WDR17: variants seen among roughly 807,000 people sequenced by gnomAD.
WDR17 encodes WD repeat domain 17.
WDR17 carries 143 observed loss-of-function variants against 161.7 expected under a neutral mutation model. The ratio of observed to expected loss-of-function variants is 0.88; its 90% CI spans 0.77 to 1.02. The LOEUF (loss-of-function observed/expected upper bound fraction) is 1.02, where lower values mean the gene tolerates loss of function less well. Ranked by LOEUF, WDR17 falls within the 50% of genes least tolerant of loss-of-function variation. WDR17 has a pLI of 0.00. For missense variants in WDR17, 1,469 were observed against 1,520.9 expected, an observed-to-expected ratio of 0.97 and a Z score of 0.57; for synonymous variants, 517 against 515.6, an observed-to-expected ratio of 1.00 and a Z score of -0.04.
intron 9 of WDR17, among the ~76,000 whole-genome samples, chr4:176,139,013 T>C (rs1744842471): frequency 6.6e-6 from 1 of 151,736 alleles, no homozygotes; most frequent in South Asian, 2.1e-4. Context: ...ACTGAATGAA[T>C]AAAAGGACTA....
At chr4:176,093,006 C>T (rs562005635) in intron 1 of WDR17, among the ~76,000 whole-genome samples, 1 of 152,102 alleles carries the variant, frequency 6.6e-6, no homozygotes, top group African/African-American at 2.4e-5. Context: ...TGTGCCACTA[C>T]ACTCCAGCCT....
intron 6 of WDR17, 91 bp downstream of exon 6, chr4:176,128,951 T>A (rs1199742401): frequency 8.2e-7 from 1 of 1,218,178 alleles, no homozygotes. Flanking sequence ...AAATACTATA[T>A]GCCACTGAAA....
At chr4:176,120,290 A>ATATT (rs1741348744) in intron 4 of WDR17, among the ~76,000 whole-genome samples, 193 bp downstream of exon 4, 1 of 10,906 alleles carries the variant, frequency 9.2e-5, no homozygotes, top group South Asian at 7.0e-3. Flanking sequence ...TTGAAGTTTT[A>ATATT]TATATATATA....
chr4:176,168,729 A>G lies in WDR17; in HGVS notation c.3048A>G (p.Lys1016=). 1.9e-6 allele frequency: 3 copies of G among 1,613,334 alleles called. No individual in the cohort carries two copies. Among genetic ancestry groups the G allele is most frequent in the Non-Finnish European group, 2.5e-6 (3 of 1,179,660 alleles). Residue 1016 remains lysine (K), a synonymous_variant, in exon 23 of 29, where the codon AAA becomes AAG. Coordinates refer to ENST00000508596, the MANE Select transcript of WDR17 (RefSeq NM_181265.4). ...CTGATAATGAACTACATTTAATAAAACTCTGTGCTTTCTACCCAGGATGTA... is the reference window on the plus strand; with the variant it reads ...CTGATAATGAACTACATTTAATAAAGCTCTGTGCTTTCTACCCAGGATGTA... The part of the protein sequence containing the change: ...MIPDNELHLI[K]LCAFYPGCTE...
chr4:176,109,168 G>T (rs913444269), intron 1 of WDR17, among the ~76,000 whole-genome samples: 1 of 151,902 alleles, frequency 6.6e-6, no homozygotes, highest in Non-Finnish European at 1.5e-5. Flanking sequence ...TCAATATTTG[G>T]TTAAACAGAA....
intron 8 of WDR17, 56 bp downstream of exon 8, chr4:176,135,332 A>G (rs1440920183): frequency 6.4e-7 from 1 of 1,574,018 alleles, no homozygotes; most frequent in Non-Finnish European, 8.7e-7. Flanking sequence ...TTAAAGTTTT[A>G]TTTTCATTTG....
intron 1 of WDR17, among the ~76,000 whole-genome samples, chr4:176,072,843 A>C (rs1182025272): frequency 6.6e-6 from 1 of 152,188 alleles, no homozygotes; most frequent in Non-Finnish European, 1.5e-5. Context: ...AGAGTATAAA[A>C]GTGAGTTTCA....
At chr4:176,082,427 T>A (rs1734866859) in intron 1 of WDR17, among the ~76,000 whole-genome samples, 1 of 152,104 alleles carries the variant, frequency 6.6e-6, no homozygotes, top group South Asian at 2.1e-4. Flanking sequence ...TAAAATATGA[T>A]TTGAAAATAG....
At chr4:176,165,240 G>A (rs538556074) in intron 22 of WDR17, among the ~76,000 whole-genome samples, 2 of 151,948 alleles carry the variant, frequency 1.3e-5, no homozygotes, top group African/African-American at 4.8e-5. Flanking sequence ...ATGGTGGCAG[G>A]CACCTGTAAT....
rs538022886 is a variant in WDR17 at position 176,102,206 on chromosome 4, G to A, written c.-6-9369G>A. Among the ~76,000 whole-genome samples, 3 of 152,254 alleles carry A rather than the reference G, an allele frequency of 2.0e-5. No homozygotes were observed. In the South Asian group the frequency reaches 6.2e-4, roughly 32 times the overall value. ...TGGTTTTAAAGTGGGCAAAAGAGCT[G>A]AACAGATACCTCACCAAAGAATGTA... is the stretch of plus-strand genomic sequence containing the variant. On this transcript the variant is annotated intron_variant, in intron 1 of 28. Transcript: ENST00000508596.
chr4:176,125,066 C>T, intron 4 of WDR17, 38 bp from the exon 5 acceptor site: 1 of 1,602,264 alleles, frequency 6.2e-7, no homozygotes, highest in East Asian at 2.2e-5. Flanking sequence ...ATCTTTTCTG[C>T]AAGTTTTTTG....
At position 176,137,600 on chromosome 4, in the gene WDR17, C is replaced by T. The variant is rs755045481; in HGVS notation, c.1348C>T (p.Arg450Ter). 1.5e-5 allele frequency: 24 copies of T among 1,588,608 alleles called. No homozygotes were observed. The highest frequency in any genetic ancestry group is 4.6e-5 in the South Asian group (4 of 87,216). Reference sequence around the variant, plus strand: ...TGTTCAAAAGGGCAAAATTATACAACGATTTAATGAGGTAAGATTTATTTA... The same window carrying T: ...TGTTCAAAAGGGCAAAATTATACAATGATTTAATGAGGTAAGATTTATTTA... ...WNVQKGKIIQ[R>*]FNEHGTNGIF... is the part of the protein sequence containing the mutation. The change falls in exon 9 of 29, where the codon CGA (arginine) becomes TGA (stop). Residue 450 changes from arginine to a stop codon, truncating the protein, a stop_gained. Coordinates refer to ENST00000508596, the MANE Select transcript of WDR17 (RefSeq NM_181265.4). LOFTEE classifies it high-confidence loss of function.
chr4:176,159,334 G>GAGAGA (rs1561197718), intron 18 of WDR17, among the ~76,000 whole-genome samples: 1 of 150,188 alleles, frequency 6.7e-6, no homozygotes, highest in Non-Finnish European at 1.5e-5. Context: ...GAGAGAGAGA[G>GAGAGA]AAAGGGAGAG....
intron 17 of WDR17, among the ~76,000 whole-genome samples, chr4:176,153,103 T>A (rs146062301): frequency 7.0e-4 from 107 of 152,296 alleles, no homozygotes; most frequent in South Asian, 1.2e-3. Flanking sequence ...AATCAGAAAC[T>A]GCGGGGTTGG....
chr4:176,168,951 C>T (rs1265160666), intron 23 of WDR17, among the ~76,000 whole-genome samples, 168 bp downstream of exon 23: 1 of 152,204 alleles, frequency 6.6e-6, no homozygotes, highest in African/African-American at 2.4e-5. Flanking sequence ...ATTTACTGAA[C>T]TGCTATGTGC....
chr4:176,166,280 G>A lies in WDR17; in HGVS notation c.2991-2392G>A, dbSNP rs553865226. On this transcript the variant is annotated intron_variant, in intron 22 of 28. Transcript: ENST00000508596. Reference sequence around the variant, plus strand: ...ATTATTTTATGGTATGCCAATTCACGTGTAATTTATAGCACATGAAACCTG... The same window carrying A: ...ATTATTTTATGGTATGCCAATTCACATGTAATTTATAGCACATGAAACCTG... The A allele has an allele frequency of 1.6e-4, 49 of 302,964 alleles. 1 individual carries two copies. In the South Asian group the frequency reaches 3.3e-3, roughly 20 times the overall value. The allele number at this position is 302,964 out of a possible 1,614,324, so 18.8% of individuals were successfully genotyped here.
intron 1 of WDR17, among the ~76,000 whole-genome samples, chr4:176,105,484 A>G (rs909252621): frequency 1.3e-5 from 2 of 152,134 alleles, no homozygotes; most frequent in Admixed American, 6.5e-5. Flanking sequence ...TTAAGCCTCA[A>G]TAGATTTTAA....
At chr4:176,167,997 A>G (rs1323497747) in intron 22 of WDR17, among the ~76,000 whole-genome samples, 1 of 151,328 alleles carries the variant, frequency 6.6e-6, no homozygotes, top group Non-Finnish European at 1.5e-5. Flanking sequence ...AAATACAAAA[A>G]TTGCCCGGGC....
intron 1 of WDR17, among the ~76,000 whole-genome samples, chr4:176,070,652 T>G (rs934985344): frequency 1.3e-5 from 2 of 151,680 alleles, no homozygotes; most frequent in Non-Finnish European, 1.5e-5. Context: ...CAGCTGGGAC[T>G]ACAGGCACGC....
Sources: allele counts gnomAD v4.1 joint callset (sites outside exome capture counted in the v4.1 genomes callset), GRCh38; gene constraint gnomAD v4.1.1; transcripts MANE v1.5; gene names NCBI Gene and HGNC (gene_info 2026-07-23, HGNC 2026-07-21).